Variants in PHF20L1 observed in about 807,000 individuals in gnomAD.
PHF20L1 encodes the protein PHD finger protein 20 like 1, also known as PHD finger protein 20-like protein 1.
Under a neutral mutation model 125.5 loss-of-function variants are expected in PHF20L1, and 44 were observed. The ratio of observed to expected loss-of-function variants is 0.35; its 90% CI spans 0.28 to 0.45. The LOEUF is 0.45. PHF20L1 is among the 20% of genes least tolerant of loss of function. The pLI, the probability that PHF20L1 is intolerant of heterozygous loss-of-function variation, is 1.00. For synonymous variants in PHF20L1, 380 were observed against 403.1 expected, an observed-to-expected ratio of 0.94 and a Z score of 0.69; for missense variants, 1,012 against 1,217.2, an observed-to-expected ratio of 0.83 and a Z score of 2.51.
At chr8:132,779,504 T>C (rs1365141741) in intron 2 of PHF20L1, among the ~76,000 whole-genome samples, 1 of 152,238 alleles carries the variant, frequency 6.6e-6, no homozygotes, top group Non-Finnish European at 1.5e-5. Flanking sequence ...GATATTACTC[T>C]TAAGTGATTT....
Position 132,775,524 on chromosome 8 carries a change from C to T in PHF20L1, c.-159C>T. ...GCTGCGGCCCCAGCTCGCTCCGCTC[C>T]TGCTCCCTCCCCGGCCGCTGCCTGG... On this transcript the variant is annotated 5_prime_UTR_variant, in exon 1 of 21. Transcript: ENST00000395386. The T allele has an allele frequency of 8.0e-6, 3 of 374,108 alleles. No homozygotes were observed. Among genetic ancestry groups the T allele is most frequent in the South Asian group, 1.3e-4 (1 of 7,692 alleles). The allele number at this position is 374,108 out of a possible 1,614,324, so 23.2% of individuals were successfully genotyped here.
chr8:132,800,617 C>G (rs10505600), intron 6 of PHF20L1, among the ~76,000 whole-genome samples: 19,594 of 151,576 alleles, frequency 0.13, 1,480 homozygotes, highest in East Asian at 0.37. Flanking sequence ...AATTAATGCA[C>G]TGTGGAAATG....
At chr8:132,813,219 C>A in intron 9 of PHF20L1, 1 of 533,898 alleles carries the variant, frequency 1.9e-6, no homozygotes, top group Non-Finnish European at 2.4e-6. Context: ...TTTCTGGCAA[C>A]ACCTTTTATA....
intron 2 of PHF20L1, among the ~76,000 whole-genome samples, chr8:132,792,783 A>C (rs1181190354): frequency 2.0e-5 from 3 of 152,172 alleles, no homozygotes; most frequent in Non-Finnish European, 4.4e-5. Context: ...GCTATTTGCT[A>C]TCTCAAGAAA....
intron 18 of PHF20L1, chr8:132,842,306 G>T (rs556630087): frequency 4.7e-6 from 2 of 426,234 alleles, no homozygotes; most frequent in Non-Finnish European, 8.3e-6. Context: ...AATTAAATTT[G>T]TTATTGCTTT....
chr8:132,836,055 A>G (rs1837322487), intron 15 of PHF20L1, among the ~76,000 whole-genome samples: 1 of 152,072 alleles, frequency 6.6e-6, no homozygotes, highest in African/African-American at 2.4e-5. Context: ...AAGAAAGAAG[A>G]AAAAGAATGA....
intron 9 of PHF20L1, chr8:132,811,908 C>A: frequency 1.0e-6 from 1 of 963,594 alleles, no homozygotes; most frequent in South Asian, 4.8e-5. Context: ...TTATTAGTAG[C>A]CTAATAAAGA....
intron 9 of PHF20L1, 147 bp from the exon 10 acceptor site, chr8:132,814,490 C>A (rs1278970390): frequency 2.0e-6 from 1 of 496,038 alleles, no homozygotes; most frequent in African/African-American, 2.0e-5. Flanking sequence ...TTGTGGGGTT[C>A]TTTTTGGTTT....
At position 132,842,560 on chromosome 8, in the gene PHF20L1, G is replaced by A. The variant is rs2068697; in HGVS notation, c.2433G>A (p.Lys811=). 8.7e-4 allele frequency: 1,394 copies of A among 1,611,172 alleles called. 13 individuals are homozygous for A. The African/African-American group carries it at 0.016, about 18-fold the overall frequency. ...TTCATCTCTGGGCTTGTTCCGGGAA[G>A]CGAAAAGACCAAGATCAAATAATAG... is the stretch of plus-strand genomic sequence containing the variant. The part of the protein sequence containing the change: ...PDLHLWACSG[K]RKDQDQIIAG... Residue 811 remains lysine (K), a synonymous_variant, in exon 19 of 21, where the codon AAG becomes AAA. Transcript: ENST00000395386.
intron 12 of PHF20L1, among the ~76,000 whole-genome samples, chr8:132,821,855 T>C (rs1284579082): frequency 6.6e-6 from 1 of 151,946 alleles, no homozygotes; most frequent in Non-Finnish European, 1.5e-5. Flanking sequence ...TTTAATGTTC[T>C]GTTGCTAAAA....
chr8:132,810,973 A>T (rs1834328567), intron 8 of PHF20L1, 73 bp from the exon 9 acceptor site: 5 of 916,516 alleles, frequency 5.5e-6, no homozygotes, highest in Admixed American at 3.5e-5. Context: ...AACTGCTAAG[A>T]TTTTTGCAAA....
chr8:132,811,327 T>G, intron 9 of PHF20L1, 199 bp downstream of exon 9: 1 of 1,295,678 alleles, frequency 7.7e-7, no homozygotes, highest in South Asian at 2.0e-5. Flanking sequence ...TTTCATAGAC[T>G]GGCATTAAAG....
At chr8:132,829,922 C>T (rs1188450309) in intron 14 of PHF20L1, among the ~76,000 whole-genome samples, 1 of 151,976 alleles carries the variant, frequency 6.6e-6, no homozygotes, top group African/African-American at 2.4e-5. Context: ...ACATAGAGAG[C>T]CCTCAATCAG....
At chr8:132,839,263 T>A (rs1227664250) in intron 17 of PHF20L1, 124 bp from the exon 18 acceptor site, 5 of 732,274 alleles carry the variant, frequency 6.8e-6, no homozygotes, top group Non-Finnish European at 1.2e-5. Flanking sequence ...TGTCTTACTC[T>A]TTTTGAATCT....
chr8:132,838,713 G>A (rs1367801758), intron 17 of PHF20L1: 3 of 152,232 alleles, frequency 2.0e-5, no homozygotes, highest in Middle Eastern at 6.8e-3. Context: ...GTAGACATTT[G>A]TTCATTCACC....
chr8:132,843,901 A>G (rs753831306), intron 19 of PHF20L1: 3 of 985,216 alleles, frequency 3.0e-6, no homozygotes, highest in Non-Finnish European at 3.6e-6. Flanking sequence ...TCATTTATTT[A>G]GCGCATTTTA....
At chr8:132,831,587 T>C (rs1836787268) in intron 14 of PHF20L1, among the ~76,000 whole-genome samples, 1 of 152,112 alleles carries the variant, frequency 6.6e-6, no homozygotes, top group African/African-American at 2.4e-5. Context: ...GGAGAACCTC[T>C]TTACGAATTG....
intron 19 of PHF20L1, chr8:132,843,600 G>T (rs544956464): frequency 2.2e-6 from 2 of 909,600 alleles, no homozygotes; most frequent in Non-Finnish European, 2.5e-6. Context: ...AAATCCAAAC[G>T]CACATTGTGT....
chr8:132,837,642 C>T, intron 16 of PHF20L1, 70 bp from the exon 17 acceptor site: 1 of 1,195,438 alleles, frequency 8.4e-7, no homozygotes. Flanking sequence ...AAAGAAAGGG[C>T]ATGTATCCTT....
Sources: allele counts gnomAD v4.1 joint callset (sites outside exome capture counted in the v4.1 genomes callset), GRCh38; gene constraint gnomAD v4.1.1; transcripts MANE v1.5; gene names NCBI Gene and HGNC (gene_info 2026-07-23, HGNC 2026-07-21).